The following GPC6 variants were observed in gnomAD, a reference collection of about 807,000 sequenced individuals.
The protein encoded by GPC6 is glypican 6, also known as glypican-6.
A neutral mutation model predicts 55.2 loss-of-function variants in GPC6; 14 were observed. The observed-to-expected ratio is 0.25, with a 90% confidence interval of 0.17 to 0.40. GPC6 has a LOEUF of 0.40. Among genes scored for constraint, GPC6 ranks in the 10% least tolerant of loss-of-function variants. The pLI is 1.00. For synonymous variants in GPC6, 278 were observed against 259.6 expected, an observed-to-expected ratio of 1.07 and a Z score of -0.68; for missense variants, 641 against 708.5, an observed-to-expected ratio of 0.90 and a Z score of 1.08.
intron 1 of GPC6, among the ~76,000 whole-genome samples, chr13:93,391,688 A>G (rs965305300): frequency 6.6e-6 from 1 of 151,866 alleles, no homozygotes; most frequent in African/African-American, 2.4e-5. Context: ...TGATTCTGCC[A>G]CCCCCTCAGG....
At chr13:93,902,890 T>G (rs369481187) in intron 3 of GPC6, among the ~76,000 whole-genome samples, 1 of 152,162 alleles carries the variant, frequency 6.6e-6, no homozygotes, top group Admixed American at 6.5e-5. Flanking sequence ...TATTGGAGGT[T>G]TTTTGCTATT....
intron 2 of GPC6, among the ~76,000 whole-genome samples, chr13:93,578,596 A>T: frequency 6.8e-6 from 1 of 147,998 alleles, no homozygotes. Context: ...TCTAGCTGTA[A>T]GTTTGTTGAT....
chr13:94,264,811 T>A (rs1276451342), intron 4 of GPC6, among the ~76,000 whole-genome samples: 1 of 152,210 alleles, frequency 6.6e-6, no homozygotes, highest in Non-Finnish European at 1.5e-5. Flanking sequence ...TTTAATAGAC[T>A]CACAGTTCCA....
chr13:94,190,665 A>G (rs917924605), intron 4 of GPC6, among the ~76,000 whole-genome samples: 2 of 152,194 alleles, frequency 1.3e-5, no homozygotes, highest in Admixed American at 1.3e-4. Flanking sequence ...TCAATGTTCA[A>G]TTTACTAAAG....
intron 2 of GPC6, among the ~76,000 whole-genome samples, chr13:93,784,487 T>G (rs1885762061): frequency 6.6e-6 from 1 of 152,174 alleles, no homozygotes; most frequent in South Asian, 2.1e-4. Context: ...AAAACATGGA[T>G]TTTACACCCA....
intron 3 of GPC6, among the ~76,000 whole-genome samples, chr13:93,896,195 A>G (rs1876002509): frequency 6.6e-6 from 1 of 152,028 alleles, no homozygotes; most frequent in Admixed American, 6.6e-5. Flanking sequence ...ATAAAAATTA[A>G]CTATGATATG....
intron 1 of GPC6, among the ~76,000 whole-genome samples, chr13:93,484,089 A>G (rs1307117457): frequency 6.6e-6 from 1 of 152,156 alleles, no homozygotes; most frequent in Non-Finnish European, 1.5e-5. Context: ...AAAATTTTGT[A>G]AATATTTCAG....
At chr13:94,087,605 T>C (rs9301934) in intron 4 of GPC6, among the ~76,000 whole-genome samples, 21,903 of 152,198 alleles carry the variant, frequency 0.14, 1,826 homozygotes, top group East Asian at 0.33. Context: ...TTGATAAAGA[T>C]AATGACTGCT....
intron 1 of GPC6, among the ~76,000 whole-genome samples, chr13:93,243,749 G>A (rs1032424787): frequency 1.3e-5 from 2 of 152,280 alleles, no homozygotes; most frequent in African/African-American, 2.4e-5. Context: ...GGGGTGGTGT[G>A]GACAATGGTG....
At chr13:94,390,612 A>G (rs1308929195) in intron 7 of GPC6, among the ~76,000 whole-genome samples, 1 of 152,188 alleles carries the variant, frequency 6.6e-6, no homozygotes, top group Admixed American at 6.5e-5. Context: ...TCATGAGAAC[A>G]ACACCAAAGG....
At chr13:94,319,871 C>T (rs994286208) in intron 6 of GPC6, among the ~76,000 whole-genome samples, 1 of 152,000 alleles carries the variant, frequency 6.6e-6, no homozygotes. Flanking sequence ...ATTAATTTTG[C>T]TTAGGATGTA....
At chr13:93,760,746 C>A (rs1884928386) in intron 2 of GPC6, among the ~76,000 whole-genome samples, 1 of 152,320 alleles carries the variant, frequency 6.6e-6, no homozygotes, top group East Asian at 1.9e-4. Flanking sequence ...CCTAAAAATT[C>A]TAGCAAATGA....
chr13:94,020,235 A>C (rs1882644458), intron 3 of GPC6, among the ~76,000 whole-genome samples: 1 of 151,892 alleles, frequency 6.6e-6, no homozygotes, highest in Admixed American at 6.6e-5. Flanking sequence ...TTATTCCTTA[A>C]CCCATTGTTT....
intron 6 of GPC6, among the ~76,000 whole-genome samples, chr13:94,324,705 G>T (rs201786860): frequency 3.4e-4 from 51 of 147,832 alleles, no homozygotes; most frequent in Non-Finnish European, 4.3e-4. Context: ...TGGGTTTTTT[G>T]TTTTTTTTTT....
intron 6 of GPC6, among the ~76,000 whole-genome samples, chr13:94,363,224 C>A (rs535926755): frequency 2.6e-5 from 4 of 152,074 alleles, no homozygotes; most frequent in Non-Finnish European, 5.9e-5. Flanking sequence ...GATTTGTTTA[C>A]TTTTCTGGAT....
intron 4 of GPC6, among the ~76,000 whole-genome samples, chr13:94,250,169 G>T (rs970049115): frequency 1.3e-5 from 2 of 152,030 alleles, no homozygotes; most frequent in African/African-American, 4.8e-5. Context: ...ATTCAATCTG[G>T]GAAATAAATT....
chr13:94,065,500 G>C (rs568273446), intron 4 of GPC6, among the ~76,000 whole-genome samples: 4 of 152,158 alleles, frequency 2.6e-5, no homozygotes, highest in African/African-American at 9.7e-5. Flanking sequence ...CAGAAATAAT[G>C]CAAAATTAAA....
At chr13:93,416,048 A>G (rs1054538231) in intron 1 of GPC6, among the ~76,000 whole-genome samples, 1 of 152,118 alleles carries the variant, frequency 6.6e-6, no homozygotes, top group Non-Finnish European at 1.5e-5. Flanking sequence ...TTGTCAGGCA[A>G]TTCATACATT....
intron 3 of GPC6, among the ~76,000 whole-genome samples, chr13:93,913,233 C>T (rs1001806298): frequency 1.5e-4 from 23 of 152,174 alleles, no homozygotes; most frequent in African/African-American, 5.3e-4. Context: ...TGTATGTCTG[C>T]TGTATGTCTC....
Sources: gnomAD v4.1 joint callset for allele counts (sites outside exome capture counted in the v4.1 genomes callset) on GRCh38, gnomAD v4.1.1 for gene constraint, MANE v1.5 for transcripts, NCBI Gene and HGNC (gene_info 2026-07-23, HGNC 2026-07-21) for gene names.